The following MCTP1 variants were observed in gnomAD, a reference collection of about 807,000 sequenced individuals.
MCTP1 encodes multiple C2 and transmembrane domain containing 1.
MCTP1 carries 69 observed loss-of-function variants against 120.6 expected under a neutral mutation model. The observed-to-expected ratio is 0.57, with a 90% confidence interval of 0.47 to 0.70. The LOEUF (loss-of-function observed/expected upper bound fraction) is 0.70. MCTP1 is among the 30% of genes least tolerant of loss of function. The pLI, the probability that MCTP1 is intolerant of heterozygous loss-of-function variation, is 0.00. For synonymous variants in MCTP1, 529 were observed against 493.1 expected (o/e 1.07, Z -0.96); for missense variants, 1,203 against 1,248.8 (o/e 0.96, Z 0.55).
chr5:95,241,383 GA>G (rs1756147971), intron 1 of MCTP1, among the ~76,000 whole-genome samples: 1 of 152,074 alleles, frequency 6.6e-6, no homozygotes, highest in African/African-American at 2.4e-5. Context: ...ATTATTTTTA[GA>G]ACATTAAGAA....
At chr5:94,857,488 C>T (rs1319388270) in intron 17 of MCTP1, among the ~76,000 whole-genome samples, 1 of 151,674 alleles carries the variant, frequency 6.6e-6, no homozygotes, top group East Asian at 1.9e-4. Context: ...GCATTTGTGA[C>T]AAACACTGAT....
rs147701666 is a variant in MCTP1, at chr5:94,951,184, G to C, written c.981+2035C>G. On this transcript the variant is annotated intron_variant, in intron 3 of 22. Coordinates refer to ENST00000515393, the MANE Select transcript of MCTP1 (RefSeq NM_024717.7). ...TATGCCCATGTGTGCACATTATGTA[G>C]CTCCCACTTACAAGTCAGAACACCA... Among the ~76,000 whole-genome samples the C allele has an allele frequency of 2.0e-4, 30 of 152,136 alleles. No individual in the cohort carries two copies. The East Asian group carries it at 5.8e-3, about 29-fold the overall frequency.
chr5:94,823,800 G>T (rs1786267246), intron 17 of MCTP1, among the ~76,000 whole-genome samples: 2 of 152,100 alleles, frequency 1.3e-5, no homozygotes, highest in African/African-American at 4.8e-5. Flanking sequence ...GATTCTCTTT[G>T]TAGCAATTGT....
At chr5:94,911,246 A>C (rs1443335966) in intron 9 of MCTP1, among the ~76,000 whole-genome samples, 1 of 152,232 alleles carries the variant, frequency 6.6e-6, no homozygotes, top group East Asian at 1.9e-4. Flanking sequence ...CAAGACGGAT[A>C]TGATCAGTTG....
chr5:95,148,171 G>A (rs1362733945), intron 1 of MCTP1, among the ~76,000 whole-genome samples: 1 of 152,170 alleles, frequency 6.6e-6, no homozygotes, highest in African/African-American at 2.4e-5. Flanking sequence ...TGATGACTAT[G>A]TGCTTGGGGA....
At chr5:94,787,703 G>A (rs1391627572) in intron 18 of MCTP1, among the ~76,000 whole-genome samples, 1 of 150,996 alleles carries the variant, frequency 6.6e-6, no homozygotes, top group Non-Finnish European at 1.5e-5. Context: ...TGCAAGCTCC[G>A]CCTCCTGGGT....
intron 17 of MCTP1, among the ~76,000 whole-genome samples, chr5:94,829,763 CAG>C (rs1788113064): frequency 6.6e-6 from 1 of 152,202 alleles, no homozygotes; most frequent in Non-Finnish European, 1.5e-5. Context: ...GGATATAGGA[CAG>C]AGATGGAATG....
intron 1 of MCTP1, among the ~76,000 whole-genome samples, chr5:95,098,285 G>A (rs1031678452): frequency 1.3e-5 from 2 of 152,114 alleles, no homozygotes; most frequent in African/African-American, 2.4e-5. Context: ...GGGGTGAGCT[G>A]TTTTTCCCAA....
chr5:95,010,741 A>T (rs11741757), intron 2 of MCTP1, among the ~76,000 whole-genome samples: 9,601 of 152,106 alleles, frequency 0.063, 587 homozygotes, highest in African/African-American at 0.15. Flanking sequence ...CTCTCATTCC[A>T]CTGAAAGTTG....
At chr5:95,001,705 G>A (rs1435510807) in intron 2 of MCTP1, among the ~76,000 whole-genome samples, 4 of 152,034 alleles carry the variant, frequency 2.6e-5, no homozygotes, top group East Asian at 1.9e-4. Context: ...ATTTCTAAGC[G>A]GCAAACTGTT....
intron 2 of MCTP1, among the ~76,000 whole-genome samples, chr5:95,014,107 G>GA (rs1422482548): frequency 3.3e-5 from 5 of 151,430 alleles, no homozygotes; most frequent in African/African-American, 7.3e-5. Flanking sequence ...CCAAAAAAAA[G>GA]AAAAAAAATA....
Position 94,752,130 on chromosome 5 carries a change from T to TATATATATTTGA in MCTP1, c.2610+26979_2610+26980insTCAAATATATAT, listed in dbSNP as rs1768581160. Among the ~76,000 whole-genome samples the TATATATATTTGA allele has an allele frequency of 3.9e-5, 4 of 102,354 alleles. No individual in the cohort carries two copies. The South Asian group carries it at 1.1e-3, about 28-fold the overall frequency. 67.1% of individuals were successfully genotyped at this position (102,354 alleles called of 152,430 possible). On this transcript the variant is annotated intron_variant, in intron 19 of 22. Coordinates refer to ENST00000515393, the MANE Select transcript of MCTP1 (RefSeq NM_024717.7). ...TAAAATATATATATATATATATATA[T>TATATATATTTGA]ATATATATATATATATTCAAAATAG...
chr5:95,075,726 T>A (rs1753376190), intron 1 of MCTP1, among the ~76,000 whole-genome samples: 2 of 152,194 alleles, frequency 1.3e-5, no homozygotes, highest in South Asian at 4.1e-4. Context: ...TACGTAAAAG[T>A]TTTATCTTTG....
intron 2 of MCTP1, among the ~76,000 whole-genome samples, chr5:94,970,850 C>T (rs1581634983): frequency 6.8e-6 from 1 of 147,058 alleles, no homozygotes; most frequent in Non-Finnish European, 1.5e-5. Flanking sequence ...CTCTTCAATC[C>T]TTTTTTTTTT....
chr5:94,719,913 T>G (rs1194594584), intron 19 of MCTP1, among the ~76,000 whole-genome samples: 1 of 152,118 alleles, frequency 6.6e-6, no homozygotes, highest in Non-Finnish European at 1.5e-5. Flanking sequence ...GCAGATCACC[T>G]GGGGTCAGGT....
intron 1 of MCTP1, among the ~76,000 whole-genome samples, chr5:95,252,214 G>A (rs576260892): frequency 3.9e-5 from 6 of 152,226 alleles, no homozygotes; most frequent in African/African-American, 1.2e-4. Flanking sequence ...GGGTGACCAT[G>A]TGTGTTACTA....
intron 1 of MCTP1, among the ~76,000 whole-genome samples, chr5:95,034,083 T>C (rs1048237712): frequency 1.3e-5 from 2 of 151,766 alleles, no homozygotes; most frequent in South Asian, 2.1e-4. Context: ...ATGACATAAA[T>C]GAATGGAAAA....
intron 1 of MCTP1, among the ~76,000 whole-genome samples, chr5:95,199,578 C>A (rs1278731081): frequency 1.3e-5 from 2 of 151,260 alleles, no homozygotes; most frequent in African/African-American, 2.4e-5. Flanking sequence ...CAAAAGATTG[C>A]TGGGTGTGGT....
rs1284916746 is a variant in MCTP1, at chr5:94,799,150, G to C, written c.2437-18C>G. ...AGAAAGAGCTGGAGGAGATAGAAGAGAGAAGAAGGGATGAGTCAACACTGA... is the reference window on the plus strand; with the variant it reads ...AGAAAGAGCTGGAGGAGATAGAAGACAGAAGAAGGGATGAGTCAACACTGA... On this transcript the variant is annotated intron_variant, in intron 17 of 22. Coordinates refer to ENST00000515393, the MANE Select transcript of MCTP1 (RefSeq NM_024717.7). The C allele has an allele frequency of 1.9e-6, 3 of 1,606,674 alleles. No individual in the cohort carries two copies. The highest frequency in any genetic ancestry group is 2.6e-6 in the Non-Finnish European group (3 of 1,176,398).
Sources: allele counts gnomAD v4.1 joint callset (sites outside exome capture counted in the v4.1 genomes callset), GRCh38; gene constraint gnomAD v4.1.1; transcripts MANE v1.5; gene names NCBI Gene and HGNC (gene_info 2026-07-23, HGNC 2026-07-21).